BCL2L14: variants seen among roughly 807,000 people sequenced by gnomAD.
The protein encoded by BCL2L14 is BCL2 like 14.
Under a neutral mutation model 35.3 loss-of-function variants are expected in BCL2L14, and 27 were observed. That is an observed-to-expected ratio of 0.76 (90% CI 0.56 to 1.05). The LOEUF (loss-of-function observed/expected upper bound fraction) is 1.05, where lower values mean the gene tolerates loss of function less well. Among genes scored for constraint, BCL2L14 ranks in the 50% least tolerant of loss-of-function variants. The pLI is 0.00. For synonymous variants in BCL2L14, 139 were observed against 145.9 expected (o/e 0.95, Z 0.34); for missense variants, 377 against 382.6 (o/e 0.99, Z 0.12).
chr12:12,084,762 C>G (rs934699793), intron 2 of BCL2L14, among the ~76,000 whole-genome samples: 11 of 152,084 alleles, frequency 7.2e-5, no homozygotes, highest in Non-Finnish European at 1.3e-4. Flanking sequence ...ATAGTTTCTC[C>G]TGGACATGTC....
intron 1 of BCL2L14, among the ~76,000 whole-genome samples, chr12:12,050,432 C>CAAAAA (rs774928633): frequency 1.7e-4 from 12 of 69,846 alleles, no homozygotes; most frequent in African/African-American, 3.1e-4. Context: ...GACACCATCT[C>CAAAAA]AAAAAAAAAA....
chr12:12,075,341 T>C (rs1450223073), intron 1 of BCL2L14, among the ~76,000 whole-genome samples: 1 of 152,110 alleles, frequency 6.6e-6, no homozygotes, highest in African/African-American at 2.4e-5. Flanking sequence ...CAGGCTGCTC[T>C]TGAACTCCTG....
intron 1 of BCL2L14, among the ~76,000 whole-genome samples, chr12:12,050,771 C>T (rs1948341279): frequency 9.1e-6 from 1 of 109,816 alleles, no homozygotes; most frequent in East Asian, 2.8e-4. Context: ...ATAAAACACA[C>T]TAACACTAAT....
intron 5 of BCL2L14, chr12:12,095,508 T>A: frequency 1.0e-6 from 1 of 985,406 alleles, no homozygotes; most frequent in Non-Finnish European, 1.2e-6. Context: ...TCAAACCCTC[T>A]CCCATCCCTC....
chr12:12,070,559 C>T (rs1212521289), upstream of BCL2L14, among the ~76,000 whole-genome samples: 4 of 152,080 alleles, frequency 2.6e-5, no homozygotes, highest in Admixed American at 2.0e-4. Flanking sequence ...AGCCTGTAAT[C>T]CCAGAAACTC....
At position 12,096,090 on chromosome 12, in the gene BCL2L14, C is replaced by T. The variant is rs1395554876; in HGVS notation, c.945+1160C>T. The T allele has an allele frequency of 5.1e-6, 5 of 985,248 alleles. No individual in the cohort carries two copies. In the African/African-American group the frequency reaches 8.7e-5, roughly 17 times the overall value. The allele number at this position is 985,248 out of a possible 1,614,324, so 61.0% of individuals were successfully genotyped here. On this transcript the variant is annotated intron_variant, in intron 5 of 5. Transcript: ENST00000308721. Reference sequence around the variant, plus strand: ...TCATCTGCCCCAAAGCCTCTCCTGACCCTTCCAGCTCAAAGGCTGCACAGT... The same window carrying T: ...TCATCTGCCCCAAAGCCTCTCCTGATCCTTCCAGCTCAAAGGCTGCACAGT...
At chr12:12,087,615 G>T (rs1461141217) in intron 3 of BCL2L14, among the ~76,000 whole-genome samples, 1 of 152,224 alleles carries the variant, frequency 6.6e-6, no homozygotes, top group Admixed American at 6.5e-5. Flanking sequence ...AGTAAGAAAG[G>T]AAAGTCTCCT....
chr12:12,075,640 G>A (rs1948765845), intron 1 of BCL2L14, among the ~76,000 whole-genome samples: 1 of 151,532 alleles, frequency 6.6e-6, no homozygotes, highest in South Asian at 2.1e-4. Flanking sequence ...GGTCAGGCTG[G>A]TCTCAAACTC....
At chr12:12,049,940 T>C (rs1948322519) in exon 1 of BCL2L14, 1 of 152,138 alleles carries the variant, frequency 6.6e-6, no homozygotes, top group Admixed American at 6.5e-5. Context: ...AAGAACGTTA[T>C]TGTAAGGGGG....
chr12:12,056,493 T>C (rs1304476186), intron 2 of BCL2L14, among the ~76,000 whole-genome samples: 1 of 152,204 alleles, frequency 6.6e-6, no homozygotes, highest in African/African-American at 2.4e-5. Flanking sequence ...CTGTGCTCTA[T>C]TGTTACCTGT....
At chr12:12,076,104 A>G (rs1948775248) in intron 1 of BCL2L14, among the ~76,000 whole-genome samples, 1 of 133,606 alleles carries the variant, frequency 7.5e-6, no homozygotes, top group African/African-American at 2.8e-5. Context: ...GGATGAGGGG[A>G]GGGTGGGATG....
intron 2 of BCL2L14, among the ~76,000 whole-genome samples, chr12:12,080,444 AC>A (rs1455557438): frequency 1.4e-5 from 2 of 147,362 alleles, no homozygotes; most frequent in African/African-American, 2.5e-5. Flanking sequence ...CATAGTGAAA[AC>A]CCGTCTCTAC....
intron 3 of BCL2L14, 45 bp from the exon 4 acceptor site, chr12:12,090,734 T>G: frequency 2.0e-6 from 3 of 1,514,158 alleles, no homozygotes; most frequent in South Asian, 1.1e-5. Context: ...TGTAAGATTA[T>G]TTTTTGCTTC....
chr12:12,081,236 A>G (rs901767069), intron 2 of BCL2L14, among the ~76,000 whole-genome samples: 9 of 152,018 alleles, frequency 5.9e-5, no homozygotes, highest in Non-Finnish European at 1.2e-4. Flanking sequence ...ATCACTTGAC[A>G]CCAAGAGTTT....
upstream of BCL2L14, chr12:12,068,344 T>C: frequency 2.5e-6 from 1 of 394,536 alleles, no homozygotes; most frequent in Non-Finnish European, 4.5e-6. Flanking sequence ...GATTTTATTA[T>C]TGCTTATATG....
intron 2 of BCL2L14, among the ~76,000 whole-genome samples, chr12:12,082,671 A>G (rs1051904545): frequency 1.3e-5 from 2 of 152,230 alleles, no homozygotes; most frequent in African/African-American, 4.8e-5. Flanking sequence ...CACTTAGGTG[A>G]TGTGTTAATG....
At chr12:12,075,074 A>C (rs1948750212) in intron 1 of BCL2L14, among the ~76,000 whole-genome samples, 1 of 152,006 alleles carries the variant, frequency 6.6e-6, no homozygotes, top group African/African-American at 2.4e-5. Context: ...CACTCATGAC[A>C]TCTAATTGAT....
chr12:12,075,630 G>A (rs1032164013), intron 1 of BCL2L14, among the ~76,000 whole-genome samples: 7 of 151,148 alleles, frequency 4.6e-5, no homozygotes, highest in African/African-American at 1.7e-4. Flanking sequence ...TCTCCATGTT[G>A]GTCAGGCTGG....
At chr12:12,086,749 T>C (rs1247766833) in intron 2 of BCL2L14, among the ~76,000 whole-genome samples, 3 of 152,258 alleles carry the variant, frequency 2.0e-5, no homozygotes, top group African/African-American at 7.2e-5. Context: ...AGAGCAGGGA[T>C]ATTTCTTTCT....
Sources: allele counts gnomAD v4.1 joint callset (sites outside exome capture counted in the v4.1 genomes callset), GRCh38; gene constraint gnomAD v4.1.1; transcripts MANE v1.5; gene names NCBI Gene and HGNC (gene_info 2026-07-23, HGNC 2026-07-21).